The following GRM1 variants were observed in gnomAD, a reference collection of about 807,000 sequenced individuals.
GRM1 encodes the protein glutamate metabotropic receptor 1.
In GRM1, 33 loss-of-function variants were observed where a neutral mutation model predicts 90.9. The observed-to-expected ratio is 0.36, with a 90% CI of 0.28 to 0.49. GRM1 has a LOEUF of 0.49. Ranked by LOEUF, GRM1 falls within the 20% of genes least tolerant of loss-of-function variation. The pLI is 0.99. For synonymous variants in GRM1, 700 were observed against 613.2 expected (o/e 1.14, Z -2.09); for missense variants, 1,190 against 1,534.3 (o/e 0.78, Z 3.75).
At chr6:146,090,623 C>T (rs113476475) in intron 1 of GRM1, among the ~76,000 whole-genome samples, 3 of 152,194 alleles carry the variant, frequency 2.0e-5, no homozygotes, top group African/African-American at 7.2e-5. Context: ...GCTGTGCCAG[C>T]ATGAGTCAGG....
Position 146,029,472 on chromosome 6 carries a change from A to G in GRM1, c.-46A>G, listed in dbSNP as rs1582897609. The G allele has an allele frequency of 6.8e-7, 1 of 1,475,310 alleles. No individual in the cohort carries two copies. The highest frequency in any genetic ancestry group is 1.4e-5 in the African/African-American group (1 of 72,342). The allele number at this position is 1,475,310 out of a possible 1,614,324, so 91.4% of individuals were successfully genotyped here. A position where few individuals can be genotyped will look rare whatever the true frequency, so the allele number is the denominator to read the frequency against. On this transcript the variant is annotated 5_prime_UTR_variant, in exon 1 of 8. Coordinates refer to ENST00000282753, the MANE Select transcript of GRM1 (RefSeq NM_001278064.2). Reference sequence around the variant, plus strand: ...CGCGCCGGGAGCCTGCAGCGGGACCAGCGTGGGAACGCGGCTGGCAGGCTG... The same window carrying G: ...CGCGCCGGGAGCCTGCAGCGGGACCGGCGTGGGAACGCGGCTGGCAGGCTG...
chr6:146,118,362 A>T (rs1013854181), intron 1 of GRM1, among the ~76,000 whole-genome samples: 3 of 152,022 alleles, frequency 2.0e-5, no homozygotes, highest in Non-Finnish European at 2.9e-5. Flanking sequence ...GATGGCCTGG[A>T]TCTCCTGATC....
At chr6:146,332,200 C>T (rs565468355) in intron 3 of GRM1, among the ~76,000 whole-genome samples, 1 of 152,034 alleles carries the variant, frequency 6.6e-6, no homozygotes, top group Non-Finnish European at 1.5e-5. Flanking sequence ...GCAGCCTTAA[C>T]AAATTATCAT....
intron 5 of GRM1, among the ~76,000 whole-genome samples, chr6:146,361,745 T>C (rs1775484122): frequency 6.6e-6 from 1 of 152,208 alleles, no homozygotes; most frequent in Non-Finnish European, 1.5e-5. Context: ...AGCTAGAAAG[T>C]GCCAAAGCTG....
At chr6:146,386,855 C>G (rs1776525669) in intron 5 of GRM1, 35 bp from the exon 6 acceptor site, 2 of 1,570,450 alleles carry the variant, frequency 1.3e-6, no homozygotes. Context: ...TCTGGGAAAA[C>G]TATCTTTAAA....
At chr6:146,234,502 A>G (rs968940698) in intron 2 of GRM1, among the ~76,000 whole-genome samples, 1 of 151,506 alleles carries the variant, frequency 6.6e-6, no homozygotes, top group Non-Finnish European at 1.5e-5. Flanking sequence ...AGTGGTTGCC[A>G]TTGGGTTTAT....
At chr6:146,414,060 T>TA (rs1448343495) in intron 7 of GRM1, among the ~76,000 whole-genome samples, 1 of 152,196 alleles carries the variant, frequency 6.6e-6, no homozygotes, top group African/African-American at 2.4e-5. Context: ...AGTGTGGTTA[T>TA]ATGCTTAGGA....
At chr6:146,036,880 T>C (rs2128838653) in intron 1 of GRM1, among the ~76,000 whole-genome samples, 1 of 152,032 alleles carries the variant, frequency 6.6e-6, no homozygotes, top group South Asian at 2.1e-4. Context: ...CACATATTTT[T>C]CTTGGTGCTA....
chr6:146,391,441 C>T (rs2114546866), intron 6 of GRM1, among the ~76,000 whole-genome samples: 1 of 152,180 alleles, frequency 6.6e-6, no homozygotes, highest in African/African-American at 2.4e-5. Flanking sequence ...ACAACTCTCA[C>T]AAAGTCCCCC....
At chr6:146,342,393 T>A (rs1402576649) in intron 3 of GRM1, among the ~76,000 whole-genome samples, 1 of 152,252 alleles carries the variant, frequency 6.6e-6, no homozygotes, top group Non-Finnish European at 1.5e-5. Context: ...CACAAACATT[T>A]GTTAATATTG....
chr6:146,247,010 A>G (rs1384643503), intron 2 of GRM1, among the ~76,000 whole-genome samples: 2 of 152,234 alleles, frequency 1.3e-5, no homozygotes, highest in East Asian at 3.9e-4. Flanking sequence ...TTCAGGAATC[A>G]GGAAAATAAC....
At chr6:146,282,130 T>C (rs1425742874) in intron 2 of GRM1, among the ~76,000 whole-genome samples, 1 of 151,112 alleles carries the variant, frequency 6.6e-6, no homozygotes, top group East Asian at 2.0e-4. Flanking sequence ...TGTGTACCTT[T>C]AACAGGCCAC....
At chr6:146,396,804 T>C (rs1478165700) in intron 6 of GRM1, among the ~76,000 whole-genome samples, 1 of 152,240 alleles carries the variant, frequency 6.6e-6, no homozygotes, top group African/African-American at 2.4e-5. Flanking sequence ...AAAAAGCTTA[T>C]GTCTAATTAC....
At chr6:146,258,257 G>A (rs1781562261) in intron 2 of GRM1, among the ~76,000 whole-genome samples, 1 of 152,092 alleles carries the variant, frequency 6.6e-6, no homozygotes, top group South Asian at 2.1e-4. Flanking sequence ...GCTTTGGGGT[G>A]CACGTTTTCC....
chr6:146,193,364 C>T (rs1398359233), intron 2 of GRM1, among the ~76,000 whole-genome samples: 1 of 152,098 alleles, frequency 6.6e-6, no homozygotes, highest in Non-Finnish European at 1.5e-5. Context: ...CCCTGGGGTA[C>T]TGTGACATCT....
At chr6:146,248,517 T>A (rs1476141162) in intron 2 of GRM1, among the ~76,000 whole-genome samples, 1 of 152,174 alleles carries the variant, frequency 6.6e-6, no homozygotes, top group Non-Finnish European at 1.5e-5. Flanking sequence ...AAGAAGGTCC[T>A]TGCTTCCCCT....
intron 1 of GRM1, among the ~76,000 whole-genome samples, chr6:146,080,073 G>A (rs1776312009): frequency 1.3e-5 from 2 of 152,210 alleles, no homozygotes; most frequent in African/African-American, 2.4e-5. Flanking sequence ...GTAGGTAAGT[G>A]TGAGATTTTG....
chr6:146,039,956 TC>T (rs1237800027), intron 1 of GRM1, among the ~76,000 whole-genome samples: 12 of 151,922 alleles, frequency 7.9e-5, no homozygotes, highest in Non-Finnish European at 1.5e-4. Context: ...AGTCAAGGGA[TC>T]CCATAGGCCA....
intron 2 of GRM1, among the ~76,000 whole-genome samples, chr6:146,184,637 G>A (rs1025503016): frequency 6.6e-6 from 1 of 151,990 alleles, no homozygotes; most frequent in African/African-American, 2.4e-5. Flanking sequence ...TCTTGTATTA[G>A]TCTGATAGGC....
Sources: allele counts gnomAD v4.1 joint callset (sites outside exome capture counted in the v4.1 genomes callset), GRCh38; gene constraint gnomAD v4.1.1; transcripts MANE v1.5; gene names NCBI Gene and HGNC (gene_info 2026-07-23, HGNC 2026-07-21).